SLC28A3: variants seen among roughly 807,000 people sequenced by gnomAD.
The protein encoded by SLC28A3 is concentrative Na(+)-nucleoside cotransporter 3.
A neutral mutation model predicts 84.2 loss-of-function variants in SLC28A3; 68 were observed. The observed-to-expected ratio is 0.81, with a 90% confidence interval of 0.66 to 0.99. The LOEUF (loss-of-function observed/expected upper bound fraction) is 0.99, where lower values mean the gene tolerates loss of function less well. SLC28A3 is among the 50% of genes least tolerant of loss of function. The pLI is 0.00. For missense variants in SLC28A3, 712 were observed against 841.5 expected, an observed-to-expected ratio of 0.85 and a Z score of 1.90; for synonymous variants, 267 against 303.6, an observed-to-expected ratio of 0.88 and a Z score of 1.25.
chr9:84,303,609 C>T (rs1401549180), intron 4 of SLC28A3, among the ~76,000 whole-genome samples: 5 of 152,274 alleles, frequency 3.3e-5, no homozygotes, highest in Admixed American at 2.0e-4. Context: ...CATTAGCCAC[C>T]GTGCCCTGCC....
chr9:84,305,443 C>T, intron 3 of SLC28A3, 98 bp from the exon 4 acceptor site: 1 of 937,616 alleles, frequency 1.1e-6, no homozygotes, highest in Non-Finnish European at 1.7e-6. Context: ...ACTAAGAAGG[C>T]AAACAAACAC....
intron 1 of SLC28A3, 43 bp from the exon 2 acceptor site, chr9:84,313,497 A>G (rs766930640): frequency 6.6e-7 from 1 of 1,517,024 alleles, no homozygotes; most frequent in South Asian, 1.1e-5. Context: ...AGTTACAGCC[A>G]AAAGACAGAT....
the SLC28A3 span, among the ~76,000 whole-genome samples, chr9:84,360,397 A>C: frequency 6.6e-6 from 1 of 152,222 alleles, no homozygotes; most frequent in African/African-American, 2.4e-5. Context: ...GAGATAACCA[A>C]TCATACAGGT....
At chr9:84,322,057 A>G (rs549260456) in intron 1 of SLC28A3, among the ~76,000 whole-genome samples, 2 of 152,372 alleles carry the variant, frequency 1.3e-5, no homozygotes, top group African/African-American at 4.8e-5. Context: ...CTCAACAACA[A>G]CAACAAGAAG....
chr9:84,356,963 A>T, the SLC28A3 span, among the ~76,000 whole-genome samples: 1 of 152,282 alleles, frequency 6.6e-6, no homozygotes, highest in Admixed American at 6.5e-5. Flanking sequence ...GATAAATACA[A>T]TTTTTTCATT....
the SLC28A3 span, among the ~76,000 whole-genome samples, chr9:84,367,275 C>T: frequency 4.6e-5 from 7 of 152,236 alleles, no homozygotes; most frequent in Non-Finnish European, 8.8e-5. Flanking sequence ...GCCTGGGACT[C>T]ACCCTTCAGG....
At chr9:84,290,057 C>G in intron 11 of SLC28A3, 97 bp downstream of exon 11, 32 of 1,513,448 alleles carry the variant, frequency 2.1e-5, no homozygotes, top group Non-Finnish European at 2.8e-5. Context: ...AAGACACTCT[C>G]TTGGCCTCCT....
rs1311485148 is a variant in SLC28A3 at position 84,275,797 on chromosome 9, AC to A, written c.*2420del. 1 of 151,850 alleles carries A rather than the reference AC, an allele frequency of 6.6e-6. No homozygotes were observed. Among genetic ancestry groups the A allele is most frequent in the Non-Finnish European group, 1.5e-5 (1 of 67,998 alleles). The allele number at this position is 151,850 out of a possible 1,614,324, so 9.4% of individuals were successfully genotyped here. Reference sequence around the variant, plus strand: ...TCTTATAATATAGCTCAGGAATAACACCCCCTTTCTCAGTTCAAGGATGCAC... The same window carrying A: ...TCTTATAATATAGCTCAGGAATAACACCCCTTTCTCAGTTCAAGGATGCAC... On this transcript the variant is annotated 3_prime_UTR_variant, in exon 18 of 18. Transcript: ENST00000376238.
chr9:84,347,532 A>G, the SLC28A3 span, among the ~76,000 whole-genome samples: 9 of 152,198 alleles, frequency 5.9e-5, no homozygotes, highest in Non-Finnish European at 1.2e-4. Flanking sequence ...TGCTCACTCT[A>G]TTAGTGAGGA....
At chr9:84,300,024 C>T (rs940699815) in intron 5 of SLC28A3, among the ~76,000 whole-genome samples, 5 of 152,142 alleles carry the variant, frequency 3.3e-5, no homozygotes, top group African/African-American at 9.7e-5. Flanking sequence ...AACTCCTGAG[C>T]TCAGGCGATT....
chr9:84,347,708 C>T, the SLC28A3 span, among the ~76,000 whole-genome samples: 1 of 152,118 alleles, frequency 6.6e-6, no homozygotes, highest in Non-Finnish European at 1.5e-5. Context: ...GCACAGGTGT[C>T]GGGCTGCTAT....
At chr9:84,300,288 A>C (rs1231073574) in intron 5 of SLC28A3, among the ~76,000 whole-genome samples, 1 of 152,216 alleles carries the variant, frequency 6.6e-6, no homozygotes, top group Non-Finnish European at 1.5e-5. Flanking sequence ...AAGGGGCCAG[A>C]GAGGAGATAG....
chr9:84,306,127 T>C (rs1825780190), intron 3 of SLC28A3, among the ~76,000 whole-genome samples: 1 of 152,182 alleles, frequency 6.6e-6, no homozygotes, highest in Admixed American at 6.5e-5. Flanking sequence ...CGTTCCTGTG[T>C]GATGCCTCTT....
Position 84,305,362 on chromosome 9 carries a change from A to C in SLC28A3, c.243-17T>G. On this transcript the variant is annotated splice_polypyrimidine_tract_variant and intron_variant, in intron 3 of 17. Transcript: ENST00000376238. The stretch of plus-strand genomic sequence containing the variant: ...TCCAAACACCTGCAACATAAAAGCA[A>C]AAAGGCAGGGAGAAGTAAACACCAA... 1 of 1,606,210 alleles carries C rather than the reference A, an allele frequency of 6.2e-7. No individual in the cohort carries two copies. The highest frequency in any genetic ancestry group is 8.5e-7 in the Non-Finnish European group (1 of 1,174,248).
chr9:84,350,596 G>A, the SLC28A3 span, among the ~76,000 whole-genome samples: 1 of 152,122 alleles, frequency 6.6e-6, no homozygotes, highest in Non-Finnish European at 1.5e-5. Flanking sequence ...GTGAGTTAAT[G>A]TTAAGGCCTA....
At chr9:84,354,375 C>A in the SLC28A3 span, among the ~76,000 whole-genome samples, 2 of 152,224 alleles carry the variant, frequency 1.3e-5, no homozygotes, top group South Asian at 2.1e-4. Context: ...ACCATCCCCC[C>A]TGAAAGGAAC....
chr9:84,309,596 G>A (rs1249531281), intron 3 of SLC28A3, 33 bp downstream of exon 3: 8 of 1,514,610 alleles, frequency 5.3e-6, no homozygotes, highest in Non-Finnish European at 7.3e-6. Context: ...ACGGGAGGTA[G>A]GCTTGGTTAT....
upstream of SLC28A3, among the ~76,000 whole-genome samples, chr9:84,345,034 C>T (rs961727980): frequency 3.3e-5 from 5 of 152,088 alleles, no homozygotes; most frequent in Non-Finnish European, 7.4e-5. Context: ...CTCTTTTCAT[C>T]GACATACCCA....
intron 11 of SLC28A3, 130 bp from the exon 12 acceptor site, chr9:84,288,308 T>G (rs1825079242): frequency 7.3e-7 from 1 of 1,369,038 alleles, no homozygotes; most frequent in Non-Finnish European, 9.9e-7. Flanking sequence ...CAATGTTTCT[T>G]TGGAGGTCTG....
Sources: allele counts gnomAD v4.1 joint callset (sites outside exome capture counted in the v4.1 genomes callset), GRCh38; gene constraint gnomAD v4.1.1; transcripts MANE v1.5; gene names NCBI Gene and HGNC (gene_info 2026-07-23, HGNC 2026-07-21).